CSMD1: variants seen among roughly 807,000 people sequenced by gnomAD.
CSMD1 encodes CUB and Sushi multiple domains 1.
CSMD1 carries 213 observed loss-of-function variants against 417.5 expected under a neutral mutation model. The ratio of observed to expected loss-of-function variants is 0.51; its 90% CI spans 0.46 to 0.57. The LOEUF (loss-of-function observed/expected upper bound fraction) is 0.57. Among genes scored for constraint, CSMD1 ranks in the 20% least tolerant of loss-of-function variants. The pLI is 0.00. For missense variants in CSMD1, 6,923 were observed against 4,529.7 expected, an observed-to-expected ratio of 1.53 and a Z score of -15.17; for synonymous variants, 2,862 against 1,736.8, an observed-to-expected ratio of 1.65 and a Z score of -16.11.
intron 3 of CSMD1, among the ~76,000 whole-genome samples, chr8:4,115,985 T>C (rs1802116968): frequency 1.0e-5 from 1 of 97,540 alleles, no homozygotes; most frequent in Non-Finnish European, 2.3e-5. Flanking sequence ...TATTTATTTA[T>C]TTATTTATTT....
intron 10 of CSMD1, among the ~76,000 whole-genome samples, chr8:3,565,131 C>CAAGAAAA (rs1799643304): frequency 9.6e-5 from 1 of 10,448 alleles, no homozygotes; most frequent in African/African-American, 2.7e-4. Flanking sequence ...TGCAAGACAG[C>CAAGAAAA]AAAAAAAAAA....
chr8:3,481,770 G>A (rs926303609), intron 11 of CSMD1, among the ~76,000 whole-genome samples: 1 of 152,164 alleles, frequency 6.6e-6, no homozygotes. Flanking sequence ...GCCAGCAGCT[G>A]CCCTAAGCTG....
chr8:3,738,427 T>C (rs1284419616), intron 6 of CSMD1, among the ~76,000 whole-genome samples: 1 of 152,228 alleles, frequency 6.6e-6, no homozygotes, highest in African/African-American at 2.4e-5. Context: ...ACCTTTTATT[T>C]ATTTCAATTT....
intron 5 of CSMD1, among the ~76,000 whole-genome samples, chr8:3,902,805 A>G (rs1807844899): frequency 2.0e-5 from 3 of 152,114 alleles, no homozygotes; most frequent in Admixed American, 2.0e-4. Context: ...TTTTATGAGA[A>G]TTAAATTACA....
chr8:4,577,819 C>G (rs570144223), intron 2 of CSMD1, among the ~76,000 whole-genome samples: 2 of 152,248 alleles, frequency 1.3e-5, no homozygotes, highest in South Asian at 4.2e-4. Context: ...GAGCTACATT[C>G]CTTGGCCTTG....
At chr8:4,855,354 C>A (rs1055691327) in intron 1 of CSMD1, among the ~76,000 whole-genome samples, 1 of 152,090 alleles carries the variant, frequency 6.6e-6, no homozygotes, top group Non-Finnish European at 1.5e-5. Context: ...AAAAGCAGAG[C>A]GCCTCTCCTC....
intron 49 of CSMD1, among the ~76,000 whole-genome samples, chr8:3,065,514 T>C (rs1044959978): frequency 1.3e-5 from 2 of 151,748 alleles, no homozygotes; most frequent in South Asian, 2.1e-4. Flanking sequence ...GATAGGAAGA[T>C]GATAGGAAGA....
intron 62 of CSMD1, among the ~76,000 whole-genome samples, chr8:2,959,729 T>C (rs770766244): frequency 6.6e-6 from 1 of 152,146 alleles, no homozygotes; most frequent in Non-Finnish European, 1.5e-5. Context: ...GCTCACTTTG[T>C]GTAAGTAAGG....
At position 4,346,912 on chromosome 8, in the gene CSMD1, C is replaced by G. The variant is rs569240200; in HGVS notation, c.415+73041G>C. ...TTGTAAAACCTGGCTGGACCTCAAT[C>G]TTTTCCTCAAATACTAATTTGAAAG... On this transcript the variant is annotated intron_variant, in intron 3 of 69. Coordinates refer to ENST00000635120, the MANE Select transcript of CSMD1 (RefSeq NM_033225.6). 7.9e-5 allele frequency among the ~76,000 whole-genome samples: 12 copies of G among 152,256 alleles called. No homozygotes were observed. In the South Asian group the frequency reaches 2.5e-3, roughly 32 times the overall value.
chr8:4,181,296 CAAT>C (rs1271966799), intron 3 of CSMD1, among the ~76,000 whole-genome samples: 3 of 152,032 alleles, frequency 2.0e-5, no homozygotes, highest in Non-Finnish European at 4.4e-5. Flanking sequence ...TATTGTAAAA[CAAT>C]AATGATTTAT....
intron 3 of CSMD1, among the ~76,000 whole-genome samples, chr8:4,213,700 C>T (rs1224288789): frequency 6.6e-6 from 1 of 152,178 alleles, no homozygotes; most frequent in South Asian, 2.1e-4. Context: ...TGGTGGGAAG[C>T]CGTGGGCTCC....
At chr8:3,544,797 A>G (rs1331254489) in intron 10 of CSMD1, among the ~76,000 whole-genome samples, 1 of 152,138 alleles carries the variant, frequency 6.6e-6, no homozygotes, top group Non-Finnish European at 1.5e-5. Flanking sequence ...TTCTCTAATG[A>G]GAAAAGATAT....
At chr8:4,399,710 G>T (rs1403770010) in intron 3 of CSMD1, among the ~76,000 whole-genome samples, 1 of 152,080 alleles carries the variant, frequency 6.6e-6, no homozygotes, top group Non-Finnish European at 1.5e-5. Context: ...GAAAAAAGCA[G>T]TTTTACCTTG....
chr8:3,172,652 G>T (rs868511644), intron 37 of CSMD1, among the ~76,000 whole-genome samples: 1 of 152,276 alleles, frequency 6.6e-6, no homozygotes, highest in African/African-American at 2.4e-5. Context: ...GGACACTTAA[G>T]GGGGGCAGAG....
chr8:4,068,362 T>G (rs1312311819), intron 3 of CSMD1, among the ~76,000 whole-genome samples: 1 of 152,152 alleles, frequency 6.6e-6, no homozygotes. Flanking sequence ...AGAGGGGATC[T>G]TATTTGTCAG....
At chr8:3,985,078 C>A (rs112261592) in intron 5 of CSMD1, among the ~76,000 whole-genome samples, 1 of 151,952 alleles carries the variant, frequency 6.6e-6, no homozygotes, top group African/African-American at 2.4e-5. Flanking sequence ...AACACTGTGG[C>A]TTTTATGTTA....
At chr8:4,310,042 G>C (rs1287033659) in intron 3 of CSMD1, among the ~76,000 whole-genome samples, 1 of 152,134 alleles carries the variant, frequency 6.6e-6, no homozygotes, top group Non-Finnish European at 1.5e-5. Flanking sequence ...AGAAGACAGA[G>C]GGTAATGGAA....
intron 5 of CSMD1, among the ~76,000 whole-genome samples, chr8:3,771,833 A>G (rs1798590149): frequency 6.6e-6 from 1 of 152,110 alleles, no homozygotes; most frequent in South Asian, 2.1e-4. Context: ...TCCGTTCAAT[A>G]CATTCTCACT....
At chr8:4,199,630 TA>T (rs1021958225) in intron 3 of CSMD1, among the ~76,000 whole-genome samples, 31 of 152,160 alleles carry the variant, frequency 2.0e-4, no homozygotes, top group African/African-American at 5.8e-4. Flanking sequence ...TTGCTTTGCA[TA>T]AATAAAGACT....
Sources: allele counts gnomAD v4.1 joint callset (sites outside exome capture counted in the v4.1 genomes callset), GRCh38; gene constraint gnomAD v4.1.1; transcripts MANE v1.5; gene names NCBI Gene and HGNC (gene_info 2026-07-23, HGNC 2026-07-21).